The following RALYL variants were observed in gnomAD, a reference collection of about 807,000 sequenced individuals.
RALYL encodes the protein RALY RNA binding protein like.
Under a neutral mutation model 35.1 loss-of-function variants are expected in RALYL, and 29 were observed. The observed-to-expected ratio is 0.83, with a 90% CI of 0.61 to 1.13. The LOEUF (loss-of-function observed/expected upper bound fraction) is 1.13. Ranked by LOEUF, RALYL falls within the 50% of genes most tolerant of loss-of-function variation. The probability of loss-of-function intolerance (pLI) is 0.00; values close to 1 mark genes in which losing one functional copy is unlikely to be tolerated. For synonymous variants in RALYL, 120 were observed against 127.6 expected, an observed-to-expected ratio of 0.94 and a Z score of 0.40; for missense variants, 359 against 360.4, an observed-to-expected ratio of 1.00 and a Z score of 0.03.
intron 1 of RALYL, among the ~76,000 whole-genome samples, chr8:84,350,748 G>A (rs1358459075): frequency 6.7e-6 from 1 of 150,198 alleles, no homozygotes; most frequent in African/African-American, 2.5e-5. Context: ...TTGGCTAAGA[G>A]TAATTAGGGG....
chr8:84,910,583 A>G (rs2135682356), intron 8 of RALYL, among the ~76,000 whole-genome samples: 1 of 152,164 alleles, frequency 6.6e-6, no homozygotes, highest in East Asian at 1.9e-4. Flanking sequence ...AAATATATAT[A>G]AGAGATAAGT....
intron 1 of RALYL, among the ~76,000 whole-genome samples, chr8:84,195,952 T>C (rs1815171837): frequency 6.6e-6 from 1 of 152,232 alleles, no homozygotes; most frequent in African/African-American, 2.4e-5. Flanking sequence ...AAGTCTATTG[T>C]TCAGGAGAGT....
chr8:84,576,333 A>G (rs1352694177), intron 2 of RALYL, among the ~76,000 whole-genome samples: 1 of 152,210 alleles, frequency 6.6e-6, no homozygotes, highest in African/African-American at 2.4e-5. Context: ...TTTGATTACT[A>G]CAAAAAATTG....
rs556944630 is a variant in RALYL at position 84,191,141 on chromosome 8, G to A, written c.-24+6717G>A. Among the ~76,000 whole-genome samples, 17 of 151,410 alleles carry A rather than the reference G, an allele frequency of 1.1e-4. 1 individual carries two copies. The South Asian group carries it at 3.6e-3, about 32-fold the overall frequency. On this transcript the variant is annotated intron_variant, in intron 1 of 8. Transcript: ENST00000521268. ...ATGATGTGGCAGCGTCATAAAGAGGGCTGTTGTTCCCAGGATTGTATGTGT... is the reference window on the plus strand; with the variant it reads ...ATGATGTGGCAGCGTCATAAAGAGGACTGTTGTTCCCAGGATTGTATGTGT...
intron 1 of RALYL, among the ~76,000 whole-genome samples, chr8:84,367,889 T>G (rs1563801017): frequency 1.3e-5 from 2 of 152,150 alleles, no homozygotes; most frequent in Non-Finnish European, 2.9e-5. Flanking sequence ...GATTTAAAGT[T>G]TAGAAAAATG....
At chr8:84,532,432 C>A (rs755913894) in intron 2 of RALYL, among the ~76,000 whole-genome samples, 1 of 152,012 alleles carries the variant, frequency 6.6e-6, no homozygotes, top group African/African-American at 2.4e-5. Context: ...TAATCACTTG[C>A]TTCTTGAGTT....
chr8:84,294,302 G>A (rs907179142), intron 1 of RALYL, among the ~76,000 whole-genome samples: 18 of 152,208 alleles, frequency 1.2e-4, no homozygotes, highest in Non-Finnish European at 2.4e-4. Context: ...TGGAATTAGA[G>A]GATGCAAATT....
intron 2 of RALYL, among the ~76,000 whole-genome samples, chr8:84,594,015 T>C (rs561986820): frequency 2.0e-5 from 3 of 152,198 alleles, no homozygotes; most frequent in Non-Finnish European, 2.9e-5. Context: ...TTAATGCTTC[T>C]TGTAGCTTTT....
At chr8:84,515,226 C>G (rs543797271) in intron 1 of RALYL, among the ~76,000 whole-genome samples, 1 of 152,252 alleles carries the variant, frequency 6.6e-6, no homozygotes, top group South Asian at 2.1e-4. Flanking sequence ...GTGATTATTT[C>G]TAAATATACT....
chr8:84,564,342 T>A (rs778415041), intron 2 of RALYL, among the ~76,000 whole-genome samples: 1 of 151,698 alleles, frequency 6.6e-6, no homozygotes, highest in Non-Finnish European at 1.5e-5. Flanking sequence ...CACATAATAA[T>A]CTGGCTTCTC....
chr8:84,300,721 T>A (rs2132356142), intron 1 of RALYL, among the ~76,000 whole-genome samples: 1 of 152,184 alleles, frequency 6.6e-6, no homozygotes, highest in African/African-American at 2.4e-5. Context: ...AAGTCTGTTT[T>A]GTTTGAAATT....
intron 1 of RALYL, among the ~76,000 whole-genome samples, chr8:84,220,006 A>T (rs1309388420): frequency 6.6e-6 from 1 of 152,012 alleles, no homozygotes; most frequent in African/African-American, 2.4e-5. Flanking sequence ...GATTTTTTAG[A>T]TGCCTGATGT....
chr8:84,343,691 G>A (rs369527376), intron 1 of RALYL, among the ~76,000 whole-genome samples: 7 of 151,764 alleles, frequency 4.6e-5, no homozygotes, highest in African/African-American at 1.7e-4. Context: ...GTACAGTGGT[G>A]CAATCATGGC....
intron 1 of RALYL, among the ~76,000 whole-genome samples, chr8:84,234,272 T>C (rs930657434): frequency 1.3e-5 from 2 of 152,222 alleles, no homozygotes; most frequent in Admixed American, 6.5e-5. Context: ...TTTGTTCATT[T>C]GTCTTTTGAC....
In RALYL at chr8:84,222,223, G is replaced by A. The variant is rs190098023; in HGVS notation, c.-24+37799G>A. Among the ~76,000 whole-genome samples, 609 of 152,204 alleles carry A rather than the reference G, an allele frequency of 4.0e-3. 4 individuals are homozygous for A. Among genetic ancestry groups the A allele is most frequent in the Non-Finnish European group, 5.1e-3 (346 of 67,984 alleles). ...AATAAATTAAAAATTGATTGCAAGT[G>A]TAAGTTGAAATTAATCCATATAGAC... On this transcript the variant is annotated intron_variant, in intron 1 of 8. Transcript: ENST00000521268.
At chr8:84,221,557 T>C (rs1822221389) in intron 1 of RALYL, among the ~76,000 whole-genome samples, 1 of 151,998 alleles carries the variant, frequency 6.6e-6, no homozygotes, top group Non-Finnish European at 1.5e-5. Context: ...CTGGGGTTTG[T>C]CAACATAAAC....
chr8:84,715,237 T>C (rs1251856404), intron 2 of RALYL, among the ~76,000 whole-genome samples: 1 of 151,874 alleles, frequency 6.6e-6, no homozygotes, highest in African/African-American at 2.4e-5. Context: ...CAGGCACTGT[T>C]TTAAGCATTT....
chr8:84,301,458 A>T (rs1441554270), intron 1 of RALYL, among the ~76,000 whole-genome samples: 1 of 152,038 alleles, frequency 6.6e-6, no homozygotes, highest in Non-Finnish European at 1.5e-5. Flanking sequence ...ATTTTCATGG[A>T]CAATATCTTC....
intron 1 of RALYL, among the ~76,000 whole-genome samples, chr8:84,426,194 C>T (rs1258563556): frequency 2.0e-5 from 3 of 151,822 alleles, no homozygotes; most frequent in Non-Finnish European, 4.4e-5. Flanking sequence ...TTAATATATC[C>T]ATCATCTCAC....
Sources: gnomAD v4.1 joint callset for allele counts (sites outside exome capture counted in the v4.1 genomes callset) on GRCh38, gnomAD v4.1.1 for gene constraint, MANE v1.5 for transcripts, NCBI Gene and HGNC (gene_info 2026-07-23, HGNC 2026-07-21) for gene names.